The following AGTPBP1 variants were observed in gnomAD, a reference collection of about 807,000 sequenced individuals.
AGTPBP1 encodes the protein cytosolic carboxypeptidase 1.
In AGTPBP1, 70 loss-of-function variants were observed where a neutral mutation model predicts 143.9. The observed-to-expected ratio is 0.49, with a 90% CI of 0.40 to 0.59. AGTPBP1 has a LOEUF of 0.59. Ranked by LOEUF, AGTPBP1 falls within the 20% of genes least tolerant of loss-of-function variation. The pLI is 0.00. For synonymous variants in AGTPBP1, 463 were observed against 500.2 expected, an observed-to-expected ratio of 0.93 and a Z score of 0.99; for missense variants, 1,229 against 1,464.5, an observed-to-expected ratio of 0.84 and a Z score of 2.62.
intron 1 of AGTPBP1, among the ~76,000 whole-genome samples, chr9:85,721,499 T>A (rs1838114424): frequency 6.6e-6 from 1 of 151,060 alleles, no homozygotes; most frequent in South Asian, 2.1e-4. Flanking sequence ...GCTTTTTTTT[T>A]TTTTTTTTCT....
chr9:85,663,741 G>C (rs1370062185), intron 8 of AGTPBP1, among the ~76,000 whole-genome samples: 1 of 151,904 alleles, frequency 6.6e-6, no homozygotes, highest in Non-Finnish European at 1.5e-5. Context: ...CAGAAAGACA[G>C]TTTTTTTGAA....
chr9:85,574,153 G>T (rs947238408), intron 25 of AGTPBP1, among the ~76,000 whole-genome samples: 2 of 152,138 alleles, frequency 1.3e-5, no homozygotes, highest in African/African-American at 4.8e-5. Context: ...TTGGGATCCT[G>T]TTGATCTATG....
chr9:85,598,651 T>C (rs577774934), intron 17 of AGTPBP1, among the ~76,000 whole-genome samples: 36 of 152,352 alleles, frequency 2.4e-4, no homozygotes, highest in African/African-American at 8.4e-4. Flanking sequence ...AACTTGTAAA[T>C]ACAAAATATC....
chr9:85,762,869 T>C, the AGTPBP1 span, among the ~76,000 whole-genome samples: 1 of 148,726 alleles, frequency 6.7e-6, no homozygotes, highest in Non-Finnish European at 1.5e-5. Context: ...AGTTTATACA[T>C]ATATATAGAA....
At chr9:85,557,504 G>A (rs1003932720) in intron 25 of AGTPBP1, among the ~76,000 whole-genome samples, 4 of 152,094 alleles carry the variant, frequency 2.6e-5, no homozygotes, top group Admixed American at 1.3e-4. Context: ...TAATTACAGC[G>A]CTAAGAATTT....
the AGTPBP1 span, among the ~76,000 whole-genome samples, chr9:85,800,500 T>A: frequency 6.6e-6 from 1 of 152,182 alleles, no homozygotes; most frequent in Non-Finnish European, 1.5e-5. Flanking sequence ...TTTGTTGGCA[T>A]TTTATTCAGC....
chr9:85,715,535 C>CA (rs1837650244), intron 1 of AGTPBP1, among the ~76,000 whole-genome samples: 1 of 152,150 alleles, frequency 6.6e-6, no homozygotes. Flanking sequence ...ACATGCTCAG[C>CA]AGTATCAAGC....
chr9:85,642,958 A>T lies in AGTPBP1; in HGVS notation c.1186-15T>A, dbSNP rs755601179. ...ATATCATCATTCTGAAATGATAAAA[A>T]GAGTATGTTATCAGGTAAAACAAAA... On this transcript the variant is annotated splice_polypyrimidine_tract_variant and intron_variant, in intron 12 of 25. Coordinates refer to ENST00000357081, the MANE Select transcript of AGTPBP1 (RefSeq NM_001330701.2). The T allele has an allele frequency of 1.5e-5, 24 of 1,580,486 alleles. No homozygotes were observed. Among genetic ancestry groups the T allele is most frequent in the Non-Finnish European group, 2.0e-5 (23 of 1,153,684 alleles).
chr9:85,749,498 C>A, the AGTPBP1 span, among the ~76,000 whole-genome samples: 1 of 152,154 alleles, frequency 6.6e-6, no homozygotes, highest in Non-Finnish European at 1.5e-5. Flanking sequence ...CTCTGAGACT[C>A]CTGTCTGTCT....
chr9:85,634,410 A>C (rs1831898005), intron 13 of AGTPBP1, among the ~76,000 whole-genome samples: 1 of 152,148 alleles, frequency 6.6e-6, no homozygotes, highest in Non-Finnish European at 1.5e-5. Flanking sequence ...GTGGAAGAAC[A>C]CCTGAGGTGT....
chr9:85,707,516 T>A (rs554391937), intron 2 of AGTPBP1, among the ~76,000 whole-genome samples: 37 of 152,156 alleles, frequency 2.4e-4, no homozygotes, highest in African/African-American at 8.7e-4. Context: ...AACAAAACAC[T>A]AATTCCCAAT....
intron 21 of AGTPBP1, 143 bp from the exon 22 acceptor site, chr9:85,587,103 TC>T: frequency 3.1e-6 from 3 of 956,186 alleles, no homozygotes; most frequent in Non-Finnish European, 4.4e-6. Flanking sequence ...GATGGTAAGC[TC>T]AACCAAATGC....
chr9:85,583,061 G>A (rs1459168459), intron 23 of AGTPBP1, among the ~76,000 whole-genome samples: 1 of 152,142 alleles, frequency 6.6e-6, no homozygotes, highest in Admixed American at 6.5e-5. Context: ...GACAATGGAA[G>A]CAGAGGTCAG....
chr9:85,621,606 G>C (rs1830942326), intron 14 of AGTPBP1, among the ~76,000 whole-genome samples: 1 of 151,890 alleles, frequency 6.6e-6, no homozygotes, highest in South Asian at 2.1e-4. Flanking sequence ...CTAACCCTTG[G>C]GCAAATAATT....
At chr9:85,707,074 T>A (rs1042233008) in intron 2 of AGTPBP1, among the ~76,000 whole-genome samples, 1 of 152,076 alleles carries the variant, frequency 6.6e-6, no homozygotes, top group Non-Finnish European at 1.5e-5. Flanking sequence ...ACTATGGAAC[T>A]AAACTAAAAT....
intron 1 of AGTPBP1, among the ~76,000 whole-genome samples, chr9:85,713,257 A>G (rs949466388): frequency 1.3e-5 from 2 of 152,230 alleles, no homozygotes; most frequent in African/African-American, 4.8e-5. Context: ...ATGGCTGGGC[A>G]TGGTGGCTCA....
At chr9:85,567,221 CA>C (rs1461073139) in intron 25 of AGTPBP1, among the ~76,000 whole-genome samples, 1 of 152,154 alleles carries the variant, frequency 6.6e-6, no homozygotes, top group African/African-American at 2.4e-5. Flanking sequence ...TAAAAATAAA[CA>C]GCACAATCCA....
intron 23 of AGTPBP1, among the ~76,000 whole-genome samples, chr9:85,579,325 TA>T (rs1279994405): frequency 6.6e-6 from 1 of 152,148 alleles, no homozygotes; most frequent in Non-Finnish European, 1.5e-5. Flanking sequence ...GGAAGAATCG[TA>T]TTCACGGTAT....
Position 85,633,240 on chromosome 9 carries a change from C to T in AGTPBP1, c.1437G>A (p.Glu479=). The T allele has an allele frequency of 6.2e-7, 1 of 1,613,936 alleles. No homozygotes were observed. The highest frequency in any genetic ancestry group is 1.3e-5 in the African/African-American group (1 of 75,018). ...CTTCATCTCCTTTAGAAGATATGTT[C>T]TCCTTCATTACAACTTTTCTTAAAT... ...SGNLRKVVMK[E]NISSKGDEGE... The change falls in exon 14 of 26, where the codon GAG becomes GAA. Residue 479 remains glutamate, a synonymous_variant. Transcript: ENST00000357081.
Sources: allele counts gnomAD v4.1 joint callset (sites outside exome capture counted in the v4.1 genomes callset), GRCh38; gene constraint gnomAD v4.1.1; transcripts MANE v1.5; gene names NCBI Gene and HGNC (gene_info 2026-07-23, HGNC 2026-07-21).